The following MGAT4C variants were observed in gnomAD, a reference collection of about 807,000 sequenced individuals.
MGAT4C encodes the protein MGAT4 family member C, also known as alpha-1,3-mannosyl-glycoprotein 4-beta-N-acetylglucosaminyltransferase C.
MGAT4C carries 19 observed loss-of-function variants against 40.1 expected under a neutral mutation model. The ratio of observed to expected loss-of-function variants is 0.47; its 90% CI spans 0.33 to 0.70. The LOEUF (loss-of-function observed/expected upper bound fraction) is 0.70, where lower values mean the gene tolerates loss of function less well. Ranked by LOEUF, MGAT4C falls within the 30% of genes least tolerant of loss-of-function variation. MGAT4C has a pLI of 0.02. For synonymous variants in MGAT4C, 181 were observed against 187.1 expected (o/e 0.97, Z 0.27); for missense variants, 491 against 563.2 (o/e 0.87, Z 1.30).
At position 86,277,384 on chromosome 12, in the gene MGAT4C, G is replaced by A. The variant is rs145800142; in HGVS notation, c.-57+56681C>T. On this transcript the variant is annotated intron_variant, in intron 4 of 7. Transcript: ENST00000548651. Reference sequence around the variant, plus strand: ...GATTATTTTGTTTACTGTGCAAAAAGCTGTTTAACTTGACGTGATCCCCAT... The same window carrying A: ...GATTATTTTGTTTACTGTGCAAAAAACTGTTTAACTTGACGTGATCCCCAT... 4.7e-4 allele frequency among the ~76,000 whole-genome samples: 72 copies of A among 152,226 alleles called. 1 individual carries two copies. Among genetic ancestry groups the A allele is most frequent in the African/African-American group, 1.6e-3 (66 of 41,536 alleles).
chr12:86,099,754 C>T (rs1874619730), intron 1 of MGAT4C, among the ~76,000 whole-genome samples: 1 of 151,046 alleles, frequency 6.6e-6, no homozygotes, highest in African/African-American at 2.4e-5. Context: ...GTGTTTTTGC[C>T]ACAAAATCTG....
intron 3 of MGAT4C, among the ~76,000 whole-genome samples, chr12:86,431,447 G>A (rs1347505241): frequency 6.6e-6 from 1 of 152,184 alleles, no homozygotes; most frequent in Non-Finnish European, 1.5e-5. Flanking sequence ...TTCCAGGAGA[G>A]AGGGTGTTTT....
intron 2 of MGAT4C, chr12:86,013,657 C>T (rs1227966443): frequency 4.9e-6 from 4 of 810,652 alleles, no homozygotes; most frequent in African/African-American, 1.9e-5. Flanking sequence ...ACTATTCTTT[C>T]GTACCATTTA....
chr12:86,668,380 C>T (rs1205397859), intron 2 of MGAT4C, among the ~76,000 whole-genome samples: 1 of 152,128 alleles, frequency 6.6e-6, no homozygotes, highest in East Asian at 1.9e-4. Flanking sequence ...AAGAGAGCAT[C>T]CCCCTGTGAT....
chr12:86,661,256 TA>T (rs922614339), intron 2 of MGAT4C, among the ~76,000 whole-genome samples: 1 of 151,898 alleles, frequency 6.6e-6, no homozygotes, highest in Non-Finnish European at 1.5e-5. Context: ...GATTAGATTT[TA>T]AAAAATCACA....
At chr12:86,441,707 T>C (rs932308868) in intron 2 of MGAT4C, among the ~76,000 whole-genome samples, 3 of 152,062 alleles carry the variant, frequency 2.0e-5, no homozygotes, top group Admixed American at 6.6e-5. Flanking sequence ...TAGTATTCCA[T>C]GGTGTATATG....
intron 1 of MGAT4C, among the ~76,000 whole-genome samples, chr12:86,764,176 TGA>T (rs1485543073): frequency 6.6e-6 from 1 of 152,186 alleles, no homozygotes; most frequent in Non-Finnish European, 1.5e-5. Context: ...TGTGCTTTTC[TGA>T]GAGGCTTAAA....
intron 4 of MGAT4C, among the ~76,000 whole-genome samples, chr12:86,293,751 C>T (rs879529023): frequency 1.3e-5 from 2 of 152,140 alleles, no homozygotes; most frequent in Non-Finnish European, 2.9e-5. Flanking sequence ...ATCATGTTCT[C>T]ATGATAGTGA....
intron 1 of MGAT4C, among the ~76,000 whole-genome samples, chr12:86,179,974 C>G (rs1487952950): frequency 6.6e-6 from 1 of 152,216 alleles, no homozygotes; most frequent in African/African-American, 2.4e-5. Context: ...ATGTCAGCAA[C>G]CTTCATGGCA....
intron 2 of MGAT4C, among the ~76,000 whole-genome samples, chr12:86,652,840 C>T (rs1001555392): frequency 3.3e-5 from 5 of 151,674 alleles, no homozygotes; most frequent in South Asian, 2.1e-4. Flanking sequence ...GTAATTAATT[C>T]CTTCATATTT....
chr12:86,184,918 C>G (rs1888577819), intron 1 of MGAT4C, among the ~76,000 whole-genome samples: 1 of 152,112 alleles, frequency 6.6e-6, no homozygotes, highest in South Asian at 2.1e-4. Context: ...TCCCGTCAGC[C>G]TACGTCAACA....
At chr12:86,232,862 G>C (rs1194980979) in intron 1 of MGAT4C, among the ~76,000 whole-genome samples, 1 of 152,166 alleles carries the variant, frequency 6.6e-6, no homozygotes, top group Admixed American at 6.5e-5. Context: ...GTCACCACTT[G>C]CTAACACAGA....
At chr12:86,304,099 T>A (rs927999894) in intron 4 of MGAT4C, among the ~76,000 whole-genome samples, 2 of 150,760 alleles carry the variant, frequency 1.3e-5, no homozygotes, top group African/African-American at 2.5e-5. Flanking sequence ...TCCTTCTTGA[T>A]GTTAAATTTC....
chr12:86,797,136 C>T (rs2136199144), intron 1 of MGAT4C, among the ~76,000 whole-genome samples: 1 of 151,894 alleles, frequency 6.6e-6, no homozygotes, highest in Non-Finnish European at 1.5e-5. Context: ...TGCTGCTTTC[C>T]TTTCTCCATC....
At chr12:86,220,319 A>C (rs1445938876) in intron 1 of MGAT4C, among the ~76,000 whole-genome samples, 3 of 152,140 alleles carry the variant, frequency 2.0e-5, no homozygotes, top group African/African-American at 7.2e-5. Flanking sequence ...TCACGTATAC[A>C]TGGCAAGATA....
intron 2 of MGAT4C, among the ~76,000 whole-genome samples, chr12:86,594,570 A>G (rs1486649794): frequency 6.6e-6 from 1 of 152,240 alleles, no homozygotes; most frequent in Non-Finnish European, 1.5e-5. Flanking sequence ...ACTGCTGAGA[A>G]GAACAGTACA....
rs548308986 is a variant in MGAT4C at position 86,465,006 on chromosome 12, T to G, written c.-228-29741A>C. ...AGTGCTACTAGCCCTATATGGCAAG[T>G]AAGGAATCCGAGGCTCAGATCAGTT... On this transcript the variant is annotated intron_variant, in intron 2 of 7. Transcript: ENST00000548651. Among the ~76,000 whole-genome samples the G allele has an allele frequency of 3.9e-4, 59 of 152,222 alleles. 2 individuals carry two copies. The South Asian group carries it at 5.8e-3, about 15-fold the overall frequency.
intron 1 of MGAT4C, among the ~76,000 whole-genome samples, chr12:86,074,909 G>A (rs1318543042): frequency 1.3e-5 from 2 of 151,960 alleles, no homozygotes; most frequent in Non-Finnish European, 2.9e-5. Context: ...CCACAACATG[G>A]GGGAATTATG....
At chr12:86,562,262 C>G (rs187772530) in intron 2 of MGAT4C, among the ~76,000 whole-genome samples, 1 of 152,238 alleles carries the variant, frequency 6.6e-6, no homozygotes, top group Admixed American at 6.5e-5. Flanking sequence ...AAATCAGACA[C>G]AAGCTCTTAT....
Sources: allele counts gnomAD v4.1 joint callset (sites outside exome capture counted in the v4.1 genomes callset), GRCh38; gene constraint gnomAD v4.1.1; transcripts MANE v1.5; gene names NCBI Gene and HGNC (gene_info 2026-07-23, HGNC 2026-07-21).